SLC7A5: variants seen among roughly 807,000 people sequenced by gnomAD.
SLC7A5 encodes the protein large neutral amino acids transporter small subunit 1.
SLC7A5 carries 23 observed loss-of-function variants against 50.2 expected under a neutral mutation model. The ratio of observed to expected loss-of-function variants is 0.46; its 90% CI spans 0.33 to 0.65. SLC7A5 has a LOEUF of 0.65. Ranked by LOEUF, SLC7A5 falls within the 30% of genes least tolerant of loss-of-function variation. The pLI is 0.02. For synonymous variants in SLC7A5, 393 were observed against 330.6 expected (o/e 1.19, Z -2.05); for missense variants, 578 against 684.4 (o/e 0.84, Z 1.73).
Position 87,840,611 on chromosome 16 carries a change from TG to T in SLC7A5, c.771-139del, listed in dbSNP as rs2055071609. The T allele has an allele frequency of 4.4e-5, 33 of 746,964 alleles. No individual in the cohort carries two copies. The South Asian group carries it at 4.5e-4, about 10-fold the overall frequency. 46.3% of individuals were successfully genotyped at this position (746,964 alleles called of 1,614,324 possible). A position where few individuals can be genotyped will look rare whatever the true frequency, so the allele number is the denominator to read the frequency against. On this transcript the variant is annotated intron_variant, in intron 3 of 9. Transcript: ENST00000261622. ...GCTGGGCTGGAAAGCGGACCTGGAGTGGGAGGGAGCTCAGCCTCCTGCGTGT... is the reference window on the plus strand; with the variant it reads ...GCTGGGCTGGAAAGCGGACCTGGAGTGGAGGGAGCTCAGCCTCCTGCGTGT...
Position 87,861,046 on chromosome 16 carries a change from G to A in SLC7A5, c.538+7839C>T, listed in dbSNP as rs550292562. Among the ~76,000 whole-genome samples, 18 of 152,334 alleles carry A rather than the reference G, an allele frequency of 1.2e-4. No homozygotes were observed. The highest frequency in any genetic ancestry group is 3.4e-3 in the Middle Eastern group (1 of 294). ...CCTCCTGTTGGAAAAGGGCAGCAGC[G>A]GGAAGAGGGTGCTGCCACAGGGCCT... is the stretch of plus-strand genomic sequence containing the variant. On this transcript the variant is annotated intron_variant, in intron 1 of 9. Transcript: ENST00000261622. This position sits in a 1 kb window ranked among gnomAD's most constrained non-coding sequence, Gnocchi z 4.2.
chr16:87,852,707 T>C lies in SLC7A5; in HGVS notation c.539-858A>G, dbSNP rs1372659779. The stretch of plus-strand genomic sequence containing the variant: ...GTGTGTTGGGGGTTCTGTTGCAATA[T>C]ATAGGCACGCTGAGCCACTGTGTGT... On this transcript the variant is annotated intron_variant, in intron 1 of 9. Coordinates refer to ENST00000261622, the MANE Select transcript of SLC7A5 (RefSeq NM_003486.7). The surrounding 1 kb of genome is among the most constrained non-coding windows in gnomAD (Gnocchi z 4.5). Among the ~76,000 whole-genome samples, 3 of 147,200 alleles carry C rather than the reference T, an allele frequency of 2.0e-5. No homozygotes were observed. The highest frequency in any genetic ancestry group is 1.4e-4 in the Admixed American group (2 of 14,494).
At chr16:87,854,145 T>C (rs9630642) in intron 1 of SLC7A5, among the ~76,000 whole-genome samples, 77,167 of 143,978 alleles carry the variant, frequency 0.54, 22,541 homozygotes, top group African/African-American at 0.81. Flanking sequence ...AAAAACAGTC[T>C]GGAGGGGCTG....
intron 3 of SLC7A5, 150 bp from the exon 4 acceptor site, chr16:87,840,623 C>T (rs902996740): frequency 5.5e-6 from 4 of 726,406 alleles, no homozygotes; most frequent in Non-Finnish European, 1.0e-5. Flanking sequence ...GGAGGGAGCT[C>T]AGCCTCCTGC....
intron 8 of SLC7A5, among the ~76,000 whole-genome samples, chr16:87,835,024 C>A (rs753416012): frequency 1.6e-4 from 24 of 152,262 alleles, no homozygotes; most frequent in Non-Finnish European, 2.6e-4. Context: ...AAAAGCCCAT[C>A]CCTGAAGCTG....
At chr16:87,839,547 A>T (rs1194504371) in intron 5 of SLC7A5, among the ~76,000 whole-genome samples, 155 bp downstream of exon 5, 1 of 152,130 alleles carries the variant, frequency 6.6e-6, no homozygotes, top group African/African-American at 2.4e-5. Context: ...AGGGGAGACC[A>T]CCACTCCACC....
At chr16:87,837,075 T>C (rs532617229) in intron 7 of SLC7A5, among the ~76,000 whole-genome samples, 10 of 152,256 alleles carry the variant, frequency 6.6e-5, no homozygotes, top group Middle Eastern at 3.2e-3. Flanking sequence ...CCGAGGACCG[T>C]GCAGCTGCCA....
At chr16:87,865,218 C>T (rs2055445159) in intron 1 of SLC7A5, among the ~76,000 whole-genome samples, 1 of 152,018 alleles carries the variant, frequency 6.6e-6, no homozygotes, top group Non-Finnish European at 1.5e-5. Flanking sequence ...GCAACACATA[C>T]ACACATACTC....
chr16:87,864,733 C>G (rs761058650), intron 1 of SLC7A5, among the ~76,000 whole-genome samples: 1 of 152,248 alleles, frequency 6.6e-6, no homozygotes, highest in Non-Finnish European at 1.5e-5. Context: ...TGGCCCTGAT[C>G]AGCTAGTCAG....
chr16:87,846,648 G>A (rs936057602), intron 2 of SLC7A5, among the ~76,000 whole-genome samples: 1 of 152,190 alleles, frequency 6.6e-6, no homozygotes. Context: ...CCAGGAGGCC[G>A]AGCACCCCGC....
At chr16:87,857,575 G>A (rs952343805) in intron 1 of SLC7A5, among the ~76,000 whole-genome samples, 1 of 152,198 alleles carries the variant, frequency 6.6e-6, no homozygotes, top group Non-Finnish European at 1.5e-5. Flanking sequence ...GAGCCACCGC[G>A]CCTGGCCGGG....
At chr16:87,849,723 G>A (rs979967119) in intron 2 of SLC7A5, among the ~76,000 whole-genome samples, 1 of 152,150 alleles carries the variant, frequency 6.6e-6, no homozygotes, top group African/African-American at 2.4e-5. Context: ...CCTTGAGTAA[G>A]GTGCCGGAAC....
At chr16:87,856,329 C>T (rs764644799) in intron 1 of SLC7A5, among the ~76,000 whole-genome samples, 2 of 152,178 alleles carry the variant, frequency 1.3e-5, no homozygotes, top group Non-Finnish European at 2.9e-5. Context: ...AGGCAAATGA[C>T]GATTGTTTAC....
chr16:87,855,145 C>G (rs1445308258), intron 1 of SLC7A5, among the ~76,000 whole-genome samples: 1 of 152,220 alleles, frequency 6.6e-6, no homozygotes, highest in Non-Finnish European at 1.5e-5. Context: ...GCGGCCAGCC[C>G]ATTTCTCCTC....
chr16:87,835,359 C>T lies in SLC7A5; in HGVS notation c.1291-768G>A, dbSNP rs541347186. ...CGCTGTGCGCAGTGACTGCCCTGTG[C>T]CCTAGGCACTGCCCCAGGCTGGCAC... On this transcript the variant is annotated intron_variant, in intron 8 of 9. Coordinates refer to ENST00000261622, the MANE Select transcript of SLC7A5 (RefSeq NM_003486.7). 3.3e-5 allele frequency among the ~76,000 whole-genome samples: 5 copies of T among 152,382 alleles called. No individual in the cohort carries two copies. The South Asian group carries it at 1.0e-3, about 32-fold the overall frequency.
rs2055248669 is a variant in SLC7A5 at position 87,852,643 on chromosome 16, T to TGTGTGTGTGTGTGC, written c.539-795_539-794insGCACACACACACAC. 1.1e-5 allele frequency among the ~76,000 whole-genome samples: 1 copy of TGTGTGTGTGTGTGC among 94,616 alleles called. No individual in the cohort carries two copies. The highest frequency in any genetic ancestry group is 2.0e-5 in the Non-Finnish European group (1 of 49,906). The allele number at this position is 94,616 out of a possible 152,430, so 62.1% of individuals were successfully genotyped here. A position where few individuals can be genotyped will look rare whatever the true frequency, so the allele number is the denominator to read the frequency against. On this transcript the variant is annotated intron_variant, in intron 1 of 9. Transcript: ENST00000261622. This position sits in a 1 kb window ranked among gnomAD's most constrained non-coding sequence, Gnocchi z 4.5. ...AGGCACCCAGCTCTGAGCCTCTGTG[T>TGTGTGTGTGTGTGC]GTGTGTGTGTGTGTGTGTGTGTGTG...
At chr16:87,836,260 G>A (rs756158550) in intron 8 of SLC7A5, among the ~76,000 whole-genome samples, 9 of 152,226 alleles carry the variant, frequency 5.9e-5, no homozygotes, top group Non-Finnish European at 1.0e-4. Flanking sequence ...TCCACCCAAC[G>A]GAGCACAAGC....
chr16:87,834,292 C>G, intron 9 of SLC7A5, 122 bp downstream of exon 9: 3 of 961,132 alleles, frequency 3.1e-6, no homozygotes, highest in Non-Finnish European at 4.9e-6. Flanking sequence ...CTGCAGTGAC[C>G]TGAACCCTCC....
chr16:87,844,292 G>A (rs1388356351), intron 2 of SLC7A5, among the ~76,000 whole-genome samples: 2 of 152,102 alleles, frequency 1.3e-5, no homozygotes, highest in African/African-American at 4.8e-5. Context: ...ACGCCGCGGC[G>A]ACCCCGGCAC....
Sources: gnomAD v4.1 joint callset for allele counts (sites outside exome capture counted in the v4.1 genomes callset) on GRCh38, gnomAD v4.1.1 for gene constraint, Gnocchi (gnomAD v3.1) non-coding constraint, MANE v1.5 for transcripts, NCBI Gene and HGNC (gene_info 2026-07-23, HGNC 2026-07-21) for gene names.